Variants in PCLO observed in about 807,000 individuals in gnomAD.
The protein encoded by PCLO is piccolo presynaptic cytomatrix protein.
PCLO carries 82 observed loss-of-function variants against 427.5 expected under a neutral mutation model. The ratio of observed to expected loss-of-function variants is 0.19; its 90% confidence interval spans 0.16 to 0.23. The LOEUF is 0.23. PCLO is among the 10% of genes least tolerant of loss of function. The pLI, the probability that PCLO is intolerant of heterozygous loss-of-function variation, is 1.00. For synonymous variants in PCLO, 2,357 were observed against 2,155.4 expected, an observed-to-expected ratio of 1.09 and a Z score of -2.59; for missense variants, 6,239 against 6,115.9, an observed-to-expected ratio of 1.02 and a Z score of -0.67.
At chr7:82,779,810 T>G (rs376892023) in intron 22 of PCLO, among the ~76,000 whole-genome samples, 6 of 151,594 alleles carry the variant, frequency 4.0e-5, no homozygotes, top group South Asian at 2.1e-4. Context: ...GCTGTAATTT[T>G]TATTATTCGT....
intron 6 of PCLO, among the ~76,000 whole-genome samples, chr7:82,929,069 G>GTCTTTTCCC: frequency 6.6e-6 from 1 of 152,228 alleles, no homozygotes; most frequent in East Asian, 1.9e-4. Flanking sequence ...AAGAGGCATA[G>GTCTTTTCCC]TAAGAAACAG....
intron 3 of PCLO, among the ~76,000 whole-genome samples, chr7:83,084,548 G>A (rs1403263077): frequency 6.6e-6 from 1 of 152,118 alleles, no homozygotes; most frequent in African/African-American, 2.4e-5. Flanking sequence ...TAGGTAGCCA[G>A]AATTAAGCTG....
intron 9 of PCLO, among the ~76,000 whole-genome samples, chr7:82,888,547 A>G (rs961448227): frequency 2.0e-5 from 3 of 152,164 alleles, no homozygotes; most frequent in Non-Finnish European, 4.4e-5. Flanking sequence ...TGTGTATCTT[A>G]TTCATTCATT....
intron 2 of PCLO, among the ~76,000 whole-genome samples, chr7:83,136,614 A>C (rs922708487): frequency 2.0e-5 from 3 of 152,104 alleles, no homozygotes; most frequent in African/African-American, 7.2e-5. Context: ...AAATAATAGC[A>C]CTCCCTCAAA....
At chr7:82,909,369 C>G (rs1435188588) in intron 7 of PCLO, among the ~76,000 whole-genome samples, 1 of 151,914 alleles carries the variant, frequency 6.6e-6, no homozygotes, top group Admixed American at 6.6e-5. Context: ...TTAACCTCAG[C>G]CCATCAGTTC....
chr7:82,814,667 T>A (rs941329850), intron 20 of PCLO, among the ~76,000 whole-genome samples: 18 of 151,596 alleles, frequency 1.2e-4, no homozygotes, highest in Non-Finnish European at 5.9e-5. Flanking sequence ...AAACAAAAAA[T>A]CAACAAGCAC....
chr7:82,878,238 C>T (rs1793421579), intron 10 of PCLO, among the ~76,000 whole-genome samples: 2 of 152,096 alleles, frequency 1.3e-5, no homozygotes, highest in African/African-American at 4.8e-5. Flanking sequence ...TGAATAAATA[C>T]TGCTTCTAAT....
At chr7:83,038,907 T>A (rs1284473394) in intron 3 of PCLO, among the ~76,000 whole-genome samples, 4 of 152,004 alleles carry the variant, frequency 2.6e-5, no homozygotes, top group Admixed American at 6.6e-5. Flanking sequence ...CTTTTCTGAG[T>A]TTTTTATTCT....
intron 20 of PCLO, among the ~76,000 whole-genome samples, chr7:82,819,061 T>C (rs1171065724): frequency 6.6e-6 from 1 of 152,212 alleles, no homozygotes; most frequent in African/African-American, 2.4e-5. Context: ...TTGCATTTTA[T>C]ATAAATTTAA....
intron 6 of PCLO, among the ~76,000 whole-genome samples, chr7:82,922,426 T>A (rs1794618788): frequency 1.3e-5 from 2 of 152,044 alleles, no homozygotes; most frequent in African/African-American, 4.8e-5. Flanking sequence ...AATGAAATCA[T>A]GTCCTTTGTG....
chr7:82,966,213 T>C lies in PCLO; in HGVS notation c.3575A>G (p.Asp1192Gly). The change falls in exon 4 of 25, where the codon GAT (aspartate) becomes GGT (glycine). Residue 1192 changes from aspartate (D) to glycine (G), a missense_variant. Physicochemically the swap from Asp to Gly is moderately conservative, Grantham distance 94. Coordinates refer to ENST00000333891, the MANE Select transcript of PCLO (RefSeq NM_033026.6). ...TAGTTTACTCTCTTCTTGTTTTTGA[T>C]CTGTGGTTACCATAGGAGGAATTTT... ...MEKIPPMVTT[D>G]QKQEESKLEK... The C allele has an allele frequency of 6.2e-7, 1 of 1,611,314 alleles. No individual in the cohort carries two copies. The highest frequency in any genetic ancestry group is 1.1e-5 in the South Asian group (1 of 90,456).
At chr7:82,931,941 A>C (rs1794849784) in intron 6 of PCLO, among the ~76,000 whole-genome samples, 1 of 152,154 alleles carries the variant, frequency 6.6e-6, no homozygotes, top group African/African-American at 2.4e-5. Flanking sequence ...GATTGATTAC[A>C]TGTGAAGTAT....
rs187948249 is a variant in PCLO at position 82,995,010 on chromosome 7, A to G, written c.3301-28523T>C. Among the ~76,000 whole-genome samples the G allele has an allele frequency of 3.5e-3, 529 of 152,134 alleles. 2 individuals are homozygous for G. The highest frequency in any genetic ancestry group is 4.5e-3 in the Non-Finnish European group (309 of 67,986). ...GGAGGACAAAATATTTTGACCTCCA[A>G]TATTGTAAAGGCAATGTTTAGGCTA... On this transcript the variant is annotated intron_variant, in intron 3 of 24. Coordinates refer to ENST00000333891, the MANE Select transcript of PCLO (RefSeq NM_033026.6).
intron 3 of PCLO, among the ~76,000 whole-genome samples, chr7:83,121,397 A>G (rs185509276): frequency 8.8e-4 from 134 of 152,304 alleles, no homozygotes; most frequent in African/African-American, 3.2e-3. Context: ...CAAAAAATAA[A>G]AGCAAGAAAT....
At chr7:83,121,726 C>T (rs973902228) in intron 3 of PCLO, among the ~76,000 whole-genome samples, 14 of 151,982 alleles carry the variant, frequency 9.2e-5, no homozygotes, top group Non-Finnish European at 2.1e-4. Flanking sequence ...GATTGCTATA[C>T]TTAGACAAAT....
chr7:83,020,321 T>C lies in PCLO; in HGVS notation c.3301-53834A>G, dbSNP rs138546531. ...CTGACACTTGATGAAGCTTAACTAA[T>C]GTATGGTGACTGCTATGGTTTGAAT... On this transcript the variant is annotated intron_variant, in intron 3 of 24. Coordinates refer to ENST00000333891, the MANE Select transcript of PCLO (RefSeq NM_033026.6). 5.1e-3 allele frequency among the ~76,000 whole-genome samples: 779 copies of C among 152,234 alleles called. 4 individuals are homozygous for C. The highest frequency in any genetic ancestry group is 0.014 in the Middle Eastern group (4 of 294).
chr7:82,937,961 T>A (rs6956451), intron 6 of PCLO, among the ~76,000 whole-genome samples: 4,023 of 151,964 alleles, frequency 0.026, 184 homozygotes, highest in African/African-American at 0.092. Flanking sequence ...CTAATGGGTA[T>A]TTTGAGTTAC....
At chr7:83,060,524 C>G (rs1042592836) in intron 3 of PCLO, among the ~76,000 whole-genome samples, 1 of 152,194 alleles carries the variant, frequency 6.6e-6, no homozygotes, top group Non-Finnish European at 1.5e-5. Context: ...GATGACCTCA[C>G]CACTGTACCT....
intron 16 of PCLO, among the ~76,000 whole-genome samples, chr7:82,829,879 G>T (rs957141940): frequency 2.0e-5 from 3 of 151,974 alleles, no homozygotes; most frequent in African/African-American, 7.2e-5. Context: ...CAATGAAATA[G>T]TAAGTGGCAC....
Sources: allele counts gnomAD v4.1 joint callset (sites outside exome capture counted in the v4.1 genomes callset), GRCh38; gene constraint gnomAD v4.1.1; transcripts MANE v1.5; gene names NCBI Gene and HGNC (gene_info 2026-07-23, HGNC 2026-07-21).